The following CCDC144A variants were observed in gnomAD, a reference collection of about 807,000 sequenced individuals.
CCDC144A encodes coiled-coil domain containing 144A, also known as coiled-coil domain-containing protein 144A.
CCDC144A carries 41 observed loss-of-function variants against 143.8 expected under a neutral mutation model. That is an observed-to-expected ratio of 0.29 (90% confidence interval 0.22 to 0.37). The LOEUF is 0.37. Ranked by LOEUF, CCDC144A falls within the 10% of genes least tolerant of loss-of-function variation. The probability of loss-of-function intolerance (pLI) is 1.00; values close to 1 mark genes in which losing one functional copy is unlikely to be tolerated. For missense variants in CCDC144A, 637 were observed against 1,488.8 expected (o/e 0.43, Z 9.41); for synonymous variants, 242 against 517.9 (o/e 0.47, Z 7.23).
intron 12 of CCDC144A, among the ~76,000 whole-genome samples, chr17:16,757,498 G>T (rs1446208847): frequency 2.0e-4 from 30 of 152,236 alleles, no homozygotes; most frequent in African/African-American, 6.5e-4. Context: ...AGAGGCCTGG[G>T]TGGGGTGGGC....
intron 6 of CCDC144A, 123 bp from the exon 7 acceptor site, chr17:16,720,075 T>A (rs1284744298): frequency 7.9e-7 from 1 of 1,266,960 alleles, no homozygotes; most frequent in Non-Finnish European, 1.1e-6. Flanking sequence ...AAATTACCTA[T>A]ACACTTGATG....
intron 2 of CCDC144A, among the ~76,000 whole-genome samples, chr17:16,702,648 G>C (rs1207596906): frequency 1.3e-5 from 2 of 152,174 alleles, no homozygotes; most frequent in African/African-American, 4.8e-5. Flanking sequence ...ATGCCTGGAA[G>C]TGTGGATAGT....
the CCDC144A span, among the ~76,000 whole-genome samples, chr17:16,673,206 A>G: frequency 4.0e-5 from 6 of 151,802 alleles, no homozygotes; most frequent in African/African-American, 1.5e-4. Context: ...CCCTAACACC[A>G]CCACATACTA....
At chr17:16,711,442 C>A (rs974830344) in intron 5 of CCDC144A, among the ~76,000 whole-genome samples, 6 of 151,820 alleles carry the variant, frequency 4.0e-5, no homozygotes, top group Admixed American at 6.6e-5. Flanking sequence ...CTGTCTCATT[C>A]ATTGAAACAG....
chr17:16,764,233 T>G (rs1567611054), intron 15 of CCDC144A, 58 bp downstream of exon 15: 7 of 1,564,112 alleles, frequency 4.5e-6, no homozygotes, highest in Non-Finnish European at 6.1e-6. Context: ...TGTATGTTAT[T>G]TGGTAAAATA....
chr17:16,709,033 A>G lies in CCDC144A; in HGVS notation c.976A>G (p.Arg326Gly), dbSNP rs1320971357. The G allele has an allele frequency of 1.2e-6, 2 of 1,611,706 alleles. No homozygotes were observed. Among genetic ancestry groups the G allele is most frequent in the African/African-American group, 2.7e-5 (2 of 74,976 alleles). ...AGAGCCACTACTTGATAACTCTACA[A>G]GAGGAACAGATGTAAAGGATATTCC... ...EEEPLLDNST[R>G]GTDVKDIPFN... The change falls in exon 5 of 17, where the codon AGA becomes GGA. Residue 326 changes from arginine (R) to glycine (G), a missense_variant. Physicochemically the swap from Arg to Gly is moderately radical, Grantham distance 125. Coordinates refer to ENST00000399273, the MANE Select transcript of CCDC144A (RefSeq NM_001382000.1).
chr17:16,711,569 A>G (rs1912446752), intron 5 of CCDC144A, 110 bp from the exon 6 acceptor site: 2 of 1,534,930 alleles, frequency 1.3e-6, no homozygotes. Context: ...AATGACTGAA[A>G]TTATAATTAA....
chr17:16,683,803 G>A, the CCDC144A span: 14 of 1,447,304 alleles, frequency 9.7e-6, no homozygotes, highest in South Asian at 6.9e-5. Context: ...GCGTGAAGCC[G>A]AGCGTGAAGC....
chr17:16,715,347 C>T (rs1373930931), intron 6 of CCDC144A, among the ~76,000 whole-genome samples: 25 of 151,054 alleles, frequency 1.7e-4, no homozygotes, highest in Non-Finnish European at 2.8e-4. Context: ...AAAGGTTTCA[C>T]ATGGGTTCAT....
At chr17:16,732,692 A>T (rs1913795968) in intron 11 of CCDC144A, 26 bp downstream of exon 11, 1 of 1,542,244 alleles carries the variant, frequency 6.5e-7, no homozygotes, top group Admixed American at 2.2e-5. Flanking sequence ...ATTTTCAAAT[A>T]TATTTTTGTA....
At chr17:16,702,488 G>T (rs952987128) in intron 2 of CCDC144A, among the ~76,000 whole-genome samples, 1 of 152,154 alleles carries the variant, frequency 6.6e-6, no homozygotes, top group Non-Finnish European at 1.5e-5. Flanking sequence ...TTCTCCACTG[G>T]CAGCTGAGAA....
At chr17:16,682,649 GGGTTAA>G in the CCDC144A span, among the ~76,000 whole-genome samples, 1 of 151,976 alleles carries the variant, frequency 6.6e-6, no homozygotes, top group Non-Finnish European at 1.5e-5. Flanking sequence ...AGGGGAAAGT[GGGTTAA>G]GTGTTCTGGA....
chr17:16,746,295 C>G lies in CCDC144A; in HGVS notation c.3372+10652C>G, dbSNP rs111938474. ...TCTTTTTTTTTTTTTTTGCATCTTT[C>G]TTCTTTTCTTCTTTTTTCCTCTTCC... On this transcript the variant is annotated intron_variant, in intron 12 of 16. Transcript: ENST00000399273. The G allele has an allele frequency of 3.6e-4, 263 of 726,084 alleles. 1 individual carries two copies. In the African/African-American group the frequency reaches 6.6e-3, roughly 18 times the overall value. 45.0% of individuals were successfully genotyped at this position (726,084 alleles called of 1,614,324 possible). A position where few individuals can be genotyped will look rare whatever the true frequency, so the allele number is the denominator to read the frequency against.
At chr17:16,671,841 C>T in the CCDC144A span, among the ~76,000 whole-genome samples, 1 of 151,962 alleles carries the variant, frequency 6.6e-6, no homozygotes, top group Admixed American at 6.6e-5. Flanking sequence ...AAGAAAAAAC[C>T]ATATGTATTA....
At chr17:16,723,482 A>G (rs1913211713) in intron 8 of CCDC144A, among the ~76,000 whole-genome samples, 1 of 151,808 alleles carries the variant, frequency 6.6e-6, no homozygotes, top group Non-Finnish European at 1.5e-5. Flanking sequence ...TATTGGTTTC[A>G]TCTTTGATGT....
chr17:16,688,587 C>G (rs531013751), upstream of CCDC144A, among the ~76,000 whole-genome samples: 30 of 137,928 alleles, frequency 2.2e-4, no homozygotes, highest in East Asian at 6.8e-3. Context: ...CTCCTGGGTT[C>G]AAGCGATTCT....
chr17:16,672,530 C>T, the CCDC144A span, among the ~76,000 whole-genome samples: 1 of 152,030 alleles, frequency 6.6e-6, no homozygotes, highest in Non-Finnish European at 1.5e-5. Context: ...AAATAAATTC[C>T]TATTAGAACA....
chr17:16,692,218 G>A (rs995832345), intron 1 of CCDC144A, among the ~76,000 whole-genome samples: 7 of 151,266 alleles, frequency 4.6e-5, no homozygotes, highest in African/African-American at 1.7e-4. Context: ...AAGATCTGCC[G>A]ATTCAGAGTT....
At chr17:16,677,279 G>T in the CCDC144A span, among the ~76,000 whole-genome samples, 1 of 152,062 alleles carries the variant, frequency 6.6e-6, no homozygotes, top group South Asian at 2.1e-4. Context: ...TCTGTTCCAT[G>T]AACAAGTTAT....
Sources: gnomAD v4.1 joint callset for allele counts (sites outside exome capture counted in the v4.1 genomes callset) on GRCh38, gnomAD v4.1.1 for gene constraint, MANE v1.5 for transcripts, NCBI Gene and HGNC (gene_info 2026-07-23, HGNC 2026-07-21) for gene names.